PARVB: variants seen among roughly 807,000 people sequenced by gnomAD.
The protein encoded by PARVB is parvin beta, also known as beta-parvin.
PARVB carries 46 observed loss-of-function variants against 47.0 expected under a neutral mutation model. That is an observed-to-expected ratio of 0.98 (90% CI 0.77 to 1.25). The LOEUF is 1.25. Among genes scored for constraint, PARVB ranks in the 50% most tolerant of loss-of-function variants. PARVB has a pLI of 0.00. For synonymous variants in PARVB, 196 were observed against 196.3 expected (o/e 1.00, Z 0.01); for missense variants, 473 against 471.6 (o/e 1.00, Z -0.03).
intron 1 of PARVB, among the ~76,000 whole-genome samples, chr22:44,076,569 G>A (rs1250980732): frequency 5.9e-5 from 9 of 152,202 alleles, no homozygotes; most frequent in African/African-American, 9.6e-5. Context: ...GCAGCTGTGC[G>A]TGGGGTGTGT....
At chr22:44,109,077 TG>T (rs1435128161) in intron 3 of PARVB, 12 of 138,348 alleles carry the variant, frequency 8.7e-5, no homozygotes, top group African/African-American at 3.4e-4. Flanking sequence ...CTTTAAGTTC[TG>T]TTTTCTTCCT....
intron 12 of PARVB, among the ~76,000 whole-genome samples, chr22:44,165,908 G>A (rs1382474528): frequency 6.6e-6 from 1 of 152,218 alleles, no homozygotes; most frequent in African/African-American, 2.4e-5. Context: ...GTTAGTGTCT[G>A]GTGGGTCGCA....
chr22:44,109,970 G>A (rs896398612), intron 3 of PARVB: 1 of 151,190 alleles, frequency 6.6e-6, no homozygotes, highest in Non-Finnish European at 1.5e-5. Context: ...AAAATTAGCC[G>A]GGCGTAGTGG....
intron 2 of PARVB, among the ~76,000 whole-genome samples, chr22:44,002,645 C>T (rs2050424509): frequency 6.6e-6 from 1 of 152,130 alleles, no homozygotes; most frequent in Admixed American, 6.5e-5. Flanking sequence ...CAGGAGAACA[C>T]TGTAAAGAGC....
At chr22:44,094,774 AGCCACTGCGCCT>A (rs1232037860) in intron 2 of PARVB, among the ~76,000 whole-genome samples, 2 of 151,682 alleles carry the variant, frequency 1.3e-5, no homozygotes, top group Non-Finnish European at 2.9e-5. Flanking sequence ...TACAGATATG[AGCCACTGCGCCT>A]GGCCCCAACA....
intron 1 of PARVB, among the ~76,000 whole-genome samples, chr22:44,055,676 C>CTATATATATA (rs1354059126): frequency 1.3e-3 from 174 of 137,826 alleles, no homozygotes; most frequent in African/African-American, 4.7e-3. Context: ...CTCTCTCTCT[C>CTATATATATA]TCTATATATA....
intron 1 of PARVB, among the ~76,000 whole-genome samples, chr22:44,086,089 A>G (rs1254323999): frequency 6.6e-6 from 1 of 152,206 alleles, no homozygotes; most frequent in Non-Finnish European, 1.5e-5. Context: ...GGCCACAGTC[A>G]CGGGGCTTTC....
At chr22:44,157,621 G>A (rs926209460) in intron 10 of PARVB, among the ~76,000 whole-genome samples, 24 of 152,274 alleles carry the variant, frequency 1.6e-4, no homozygotes, top group Admixed American at 5.2e-4. Context: ...GCTCCCACCC[G>A]TAATCCCAGC....
chr22:44,151,650 T>G (rs1318362444), intron 10 of PARVB, 99 bp downstream of exon 10: 14 of 929,546 alleles, frequency 1.5e-5, no homozygotes, highest in Non-Finnish European at 2.5e-5. Flanking sequence ...GGCGCCATTT[T>G]GTTCATCTCA....
intron 4 of PARVB, among the ~76,000 whole-genome samples, chr22:44,128,015 T>C (rs1049248207): frequency 1.3e-5 from 2 of 152,134 alleles, no homozygotes; most frequent in East Asian, 1.9e-4. Context: ...TGAACTGGGC[T>C]CAAACGATCC....
At chr22:44,040,526 T>TG (rs1846755010) in intron 1 of PARVB, among the ~76,000 whole-genome samples, 1 of 151,832 alleles carries the variant, frequency 6.6e-6, no homozygotes, top group Non-Finnish European at 1.5e-5. Flanking sequence ...CAGAGAGAAG[T>TG]GACCATGGAG....
chr22:44,128,891 A>C lies in PARVB; in HGVS notation c.377-2596A>C, dbSNP rs549294112. On this transcript the variant is annotated intron_variant, in intron 4 of 12. Transcript: ENST00000338758. ...TCAGGAATTCGAGACCAGCCTGATCAACATGGTGAAACCCTGCCTCTACTA... is the reference window on the plus strand; with the variant it reads ...TCAGGAATTCGAGACCAGCCTGATCCACATGGTGAAACCCTGCCTCTACTA... Among the ~76,000 whole-genome samples, 33 of 152,350 alleles carry C rather than the reference A, an allele frequency of 2.2e-4. 1 individual carries two copies. The highest frequency in any genetic ancestry group is 7.9e-4 in the African/African-American group (33 of 41,578).
chr22:44,114,902 AGTAAGG>A (rs2052832794), intron 3 of PARVB: 3 of 114,530 alleles, frequency 2.6e-5, no homozygotes, highest in Admixed American at 8.1e-5. Context: ...ATTGTTACTA[AGTAAGG>A]CCCTGTACCA....
chr22:44,121,926 A>T (rs2053056700), intron 4 of PARVB, among the ~76,000 whole-genome samples: 1 of 152,208 alleles, frequency 6.6e-6, no homozygotes, highest in Admixed American at 6.5e-5. Flanking sequence ...TATCAACTAC[A>T]AACATGCTAG....
intron 1 of PARVB, among the ~76,000 whole-genome samples, chr22:44,056,546 C>T (rs1025329261): frequency 1.3e-5 from 2 of 152,234 alleles, no homozygotes; most frequent in South Asian, 4.2e-4. Context: ...CCCTCTGTCA[C>T]CCAGGCTGGT....
chr22:44,084,563 G>T (rs2051981456), intron 1 of PARVB, among the ~76,000 whole-genome samples: 1 of 152,238 alleles, frequency 6.6e-6, no homozygotes, highest in Admixed American at 6.5e-5. Flanking sequence ...GTACTCCCAG[G>T]TCTGGCATCT....
chr22:44,066,103 C>G (rs898362251), intron 1 of PARVB, among the ~76,000 whole-genome samples: 8 of 152,190 alleles, frequency 5.3e-5, no homozygotes, highest in African/African-American at 1.9e-4. Flanking sequence ...GGCGCTACAG[C>G]AAACATCTAT....
chr22:44,163,831 C>T (rs780970262), intron 11 of PARVB, 27 bp from the exon 12 acceptor site: 58 of 1,586,966 alleles, frequency 3.7e-5, no homozygotes, highest in East Asian at 1.4e-4. Flanking sequence ...TGGACCCTAA[C>T]GCTGACCCAC....
intron 1 of PARVB, among the ~76,000 whole-genome samples, chr22:44,085,005 C>T (rs2051992379): frequency 6.6e-6 from 1 of 152,266 alleles, no homozygotes; most frequent in Non-Finnish European, 1.5e-5. Flanking sequence ...CCTTCAGCCA[C>T]TGGGCCTTGC....
Sources: gnomAD v4.1 joint callset for allele counts (sites outside exome capture counted in the v4.1 genomes callset) on GRCh38, gnomAD v4.1.1 for gene constraint, MANE v1.5 for transcripts, NCBI Gene and HGNC (gene_info 2026-07-23, HGNC 2026-07-21) for gene names.